IL2RA: variants seen among roughly 807,000 people sequenced by gnomAD.
The protein encoded by IL2RA is interleukin 2 receptor subunit alpha.
In IL2RA, 24 loss-of-function variants were observed where a neutral mutation model predicts 37.8. The observed-to-expected ratio is 0.63, with a 90% CI of 0.46 to 0.89. The LOEUF is 0.89. Ranked by LOEUF, IL2RA falls within the 40% of genes least tolerant of loss-of-function variation. IL2RA has a pLI of 0.00. For synonymous variants in IL2RA, 125 were observed against 114.6 expected (o/e 1.09, Z -0.58); for missense variants, 319 against 348.6 (o/e 0.92, Z 0.68).
At position 6,021,354 on chromosome 10, in the gene IL2RA, C is replaced by T; in HGVS notation, c.583+124G>A. On this transcript the variant is annotated intron_variant, in intron 4 of 7. Transcript: ENST00000379959. This position sits in a 1 kb window ranked among gnomAD's most constrained non-coding sequence, Gnocchi z 4.9. ...TTCTCAGAATGAGAAAAAATGGAAG[C>T]CCAGGGAGATCAAGGGTCTTGTCCA... The T allele has an allele frequency of 2.4e-6, 2 of 850,338 alleles. No homozygotes were observed. Among genetic ancestry groups the T allele is most frequent in the Non-Finnish European group, 4.0e-6 (2 of 502,168 alleles). The allele number at this position is 850,338 out of a possible 1,614,324, so 52.7% of individuals were successfully genotyped here.
In IL2RA at chr10:6,036,955, C is replaced by T. The variant is rs1049450932; in HGVS notation, c.65-10930G>A. Among the ~76,000 whole-genome samples, 1 of 152,160 alleles carries T rather than the reference C, an allele frequency of 6.6e-6. No individual in the cohort carries two copies. Among genetic ancestry groups the T allele is most frequent in the South Asian group, 2.1e-4 (1 of 4,830 alleles). Reference sequence around the variant, plus strand: ...GCAGGTGTGGACATTGAGGCTATTTCTAACAAGCTCCTACATGATGCTGGG... The same window carrying T: ...GCAGGTGTGGACATTGAGGCTATTTTTAACAAGCTCCTACATGATGCTGGG... On this transcript the variant is annotated intron_variant, in intron 1 of 7. Coordinates refer to ENST00000379959, the MANE Select transcript of IL2RA (RefSeq NM_000417.3). The surrounding 1 kb of genome is among the most constrained non-coding windows in gnomAD (Gnocchi z 6.1).
chr10:6,043,708 G>A (rs1278446584), intron 1 of IL2RA, among the ~76,000 whole-genome samples: 1 of 152,142 alleles, frequency 6.6e-6, no homozygotes, highest in Non-Finnish European at 1.5e-5. Context: ...AAGGTGCTGG[G>A]ATTACAGGCA....
Position 6,012,930 on chromosome 10 carries a change from G to T in IL2RA, c.795-34C>A. 6.2e-7 allele frequency: 1 copy of T among 1,610,194 alleles called. No individual in the cohort carries two copies. Among genetic ancestry groups the T allele is most frequent in the Non-Finnish European group, 8.5e-7 (1 of 1,176,614 alleles). ...GTGTAACAAAGTCACGGTCATATGT[G>T]TAACACGGCACCAAAAAAATGTGGT... On this transcript the variant is annotated intron_variant, in intron 7 of 7. Coordinates refer to ENST00000379959, the MANE Select transcript of IL2RA (RefSeq NM_000417.3). The surrounding 1 kb of genome is among the most constrained non-coding windows in gnomAD (Gnocchi z 4.8).
At chr10:6,023,996 A>G (rs1839434183) in intron 3 of IL2RA, among the ~76,000 whole-genome samples, 1 of 152,238 alleles carries the variant, frequency 6.6e-6, no homozygotes. Flanking sequence ...CTATTTGGCC[A>G]GTTACCAAAC....
chr10:6,042,609 A>C (rs1839789602), intron 1 of IL2RA, among the ~76,000 whole-genome samples: 1 of 152,192 alleles, frequency 6.6e-6, no homozygotes, highest in Admixed American at 6.5e-5. Flanking sequence ...TACTTAGAAG[A>C]TCCAAGAATC....
At position 6,035,446 on chromosome 10, in the gene IL2RA, C is replaced by T. The variant is rs1159353877; in HGVS notation, c.65-9421G>A. 6.6e-6 allele frequency among the ~76,000 whole-genome samples: 1 copy of T among 152,240 alleles called. No homozygotes were observed. Among genetic ancestry groups the T allele is most frequent in the African/African-American group, 2.4e-5 (1 of 41,456 alleles). On this transcript the variant is annotated intron_variant, in intron 1 of 7. Transcript: ENST00000379959. This position sits in a 1 kb window ranked among gnomAD's most constrained non-coding sequence, Gnocchi z 5.4. ...CACACGGTTTCGTGGGCTGGATTTT[C>T]TCTGTTGCACACATGCTTAGTATCT... is the stretch of plus-strand genomic sequence containing the variant.
chr10:6,026,738 T>C (rs1175003954), intron 1 of IL2RA, among the ~76,000 whole-genome samples: 1 of 152,014 alleles, frequency 6.6e-6, no homozygotes, highest in Admixed American at 6.5e-5. Context: ...CTCTAAGAGA[T>C]TAGATTTTGG....
intron 3 of IL2RA, among the ~76,000 whole-genome samples, chr10:6,023,511 A>G (rs1839422952): frequency 6.6e-6 from 1 of 151,994 alleles, no homozygotes; most frequent in South Asian, 2.1e-4. Flanking sequence ...TAATTTTTGT[A>G]TGATTGTAGA....
intron 1 of IL2RA, among the ~76,000 whole-genome samples, chr10:6,032,692 CAAAA>C (rs59428144): frequency 1.8e-5 from 2 of 112,718 alleles, no homozygotes; most frequent in African/African-American, 3.3e-5. Flanking sequence ...GACTCCATCT[CAAAA>C]AAAAAAAAAA....
intron 1 of IL2RA, among the ~76,000 whole-genome samples, chr10:6,061,626 G>C (rs1488962512): frequency 6.6e-6 from 1 of 152,140 alleles, no homozygotes; most frequent in East Asian, 1.9e-4. Context: ...ACTTTTCTGA[G>C]ATCTTAAATT....
intron 7 of IL2RA, among the ~76,000 whole-genome samples, chr10:6,017,528 A>G (rs1305223136): frequency 1.3e-5 from 2 of 151,698 alleles, no homozygotes; most frequent in Non-Finnish European, 2.9e-5. Flanking sequence ...TGGGTGCTCA[A>G]TGAATGTGAG....
intron 1 of IL2RA, among the ~76,000 whole-genome samples, chr10:6,055,135 T>G (rs1051380086): frequency 2.2e-4 from 33 of 152,186 alleles, no homozygotes; most frequent in Non-Finnish European, 4.0e-4. Context: ...TGCACCAGAA[T>G]CTTAGGCGGT....
At chr10:6,023,745 G>A (rs538573590) in intron 3 of IL2RA, among the ~76,000 whole-genome samples, 6 of 152,342 alleles carry the variant, frequency 3.9e-5, no homozygotes, top group Non-Finnish European at 7.3e-5. Context: ...CAGGACACAC[G>A]CATCTGGAGC....
rs1839368559 is a variant in IL2RA at position 6,020,604 on chromosome 10, G to C, written c.584-663C>G. Among the ~76,000 whole-genome samples, 1 of 151,942 alleles carries C rather than the reference G, an allele frequency of 6.6e-6. No homozygotes were observed. Among genetic ancestry groups the C allele is most frequent in the Non-Finnish European group, 1.5e-5 (1 of 68,012 alleles). On this transcript the variant is annotated intron_variant, in intron 4 of 7. Coordinates refer to ENST00000379959, the MANE Select transcript of IL2RA (RefSeq NM_000417.3). This position sits in a 1 kb window ranked among gnomAD's most constrained non-coding sequence, Gnocchi z 5.6. ...GCTGGAGTGCAGTGGTGTGATCTCA[G>C]CTCACTGCAACTCCACCTCCTGGGT...
In IL2RA at chr10:6,011,825, G is replaced by A. The variant is rs781076912; in HGVS notation, c.*1047C>T. On this transcript the variant is annotated 3_prime_UTR_variant, in exon 8 of 8. Transcript: ENST00000379959. The surrounding 1 kb of genome is among the most constrained non-coding windows in gnomAD (Gnocchi z 5.2). ...TAGGGAGCTGGGGTTATAGGCCTGA[G>A]CCACCGTGCCAGGCCTGATGCGCTC... 9 of 152,436 alleles carry A rather than the reference G, an allele frequency of 5.9e-5. No homozygotes were observed. The highest frequency in any genetic ancestry group is 1.3e-4 in the Non-Finnish European group (9 of 68,100). The allele number at this position is 152,436 out of a possible 1,614,324, so 9.4% of individuals were successfully genotyped here. A position where few individuals can be genotyped will look rare whatever the true frequency, so the allele number is the denominator to read the frequency against.
intron 1 of IL2RA, among the ~76,000 whole-genome samples, chr10:6,027,728 G>A (rs1397699159): frequency 6.6e-6 from 1 of 152,164 alleles, no homozygotes; most frequent in Non-Finnish European, 1.5e-5. Context: ...TCACTGTCCA[G>A]AAGAAGAGAA....
rs1308092886 is a variant in IL2RA, at chr10:6,044,179, T to C, written c.64+17909A>G. Among the ~76,000 whole-genome samples the C allele has an allele frequency of 7.9e-5, 12 of 152,252 alleles. No individual in the cohort carries two copies. The highest frequency in any genetic ancestry group is 7.9e-4 in the Admixed American group (12 of 15,284). ...ATCTTCCTAGAGAAGGTGGTAGTGATGCAGGACAAGCGAGCCCCGAGGTGG... is the reference window on the plus strand; with the variant it reads ...ATCTTCCTAGAGAAGGTGGTAGTGACGCAGGACAAGCGAGCCCCGAGGTGG... On this transcript the variant is annotated intron_variant, in intron 1 of 7. Transcript: ENST00000379959. This position sits in a 1 kb window ranked among gnomAD's most constrained non-coding sequence, Gnocchi z 4.5.
Position 6,058,827 on chromosome 10 carries a change from G to A in IL2RA, c.64+3261C>T, listed in dbSNP as rs139767239. ...TAACGTGCCATATTGGTAATACCAG[G>A]AGAATTCTCTTTCTGACCACATCCC... On this transcript the variant is annotated intron_variant, in intron 1 of 7. Transcript: ENST00000379959. This position sits in a 1 kb window ranked among gnomAD's most constrained non-coding sequence, Gnocchi z 4.2. Among the ~76,000 whole-genome samples, 75 of 152,286 alleles carry A rather than the reference G, an allele frequency of 4.9e-4. No homozygotes were observed. The highest frequency in any genetic ancestry group is 2.1e-3 in the East Asian group (11 of 5,180).
chr10:6,054,184 G>C lies in IL2RA; in HGVS notation c.64+7904C>G, dbSNP rs954493066. On this transcript the variant is annotated intron_variant, in intron 1 of 7. Transcript: ENST00000379959. The surrounding 1 kb of genome is among the most constrained non-coding windows in gnomAD (Gnocchi z 4.5). Reference sequence around the variant, plus strand: ...CGGGTCGAGGGCTGCAGGCGGAGCTGCTGGTCAAAAACCCCCCGGGGAACT... The same window carrying C: ...CGGGTCGAGGGCTGCAGGCGGAGCTCCTGGTCAAAAACCCCCCGGGGAACT... Among the ~76,000 whole-genome samples the C allele has an allele frequency of 6.6e-6, 1 of 152,228 alleles. No individual in the cohort carries two copies. Among genetic ancestry groups the C allele is most frequent in the Non-Finnish European group, 1.5e-5 (1 of 68,040 alleles).
Sources: allele counts gnomAD v4.1 joint callset (sites outside exome capture counted in the v4.1 genomes callset), GRCh38; gene constraint gnomAD v4.1.1; non-coding constraint Gnocchi (gnomAD v3.1); transcripts MANE v1.5; gene names NCBI Gene and HGNC (gene_info 2026-07-23, HGNC 2026-07-21).